The following MIB1 variants were observed in gnomAD, a reference collection of about 807,000 sequenced individuals.
MIB1 encodes MIB E3 ubiquitin protein ligase 1, also known as E3 ubiquitin-protein ligase MIB1.
Under a neutral mutation model 124.5 loss-of-function variants are expected in MIB1, and 278 were observed. That is an observed-to-expected ratio of 2.23 (90% CI 2.02 to 2.47). The LOEUF is 2.47. MIB1 is among the 30% of genes most tolerant of loss of function. The pLI, the probability that MIB1 is intolerant of heterozygous loss-of-function variation, is 0.00. For missense variants in MIB1, 957 were observed against 1,254.4 expected, an observed-to-expected ratio of 0.76 and a Z score of 3.58; for synonymous variants, 446 against 429.4, an observed-to-expected ratio of 1.04 and a Z score of -0.48.
chr18:21,817,696 GC>G, intron 11 of MIB1: 1 of 446,986 alleles, frequency 2.2e-6, no homozygotes, highest in Non-Finnish European at 4.5e-6. Context: ...ATAGGGCTCT[GC>G]CCCATGATGT....
intron 1 of MIB1, among the ~76,000 whole-genome samples, chr18:21,758,481 T>C (rs1373668978): frequency 5.9e-5 from 9 of 152,196 alleles, no homozygotes; most frequent in African/African-American, 2.2e-4. Flanking sequence ...GTTTGTTGAA[T>C]GACATCAACA....
chr18:21,838,230 T>C (rs996428939), intron 12 of MIB1, 135 bp from the exon 13 acceptor site: 4 of 587,754 alleles, frequency 6.8e-6, no homozygotes, highest in Non-Finnish European at 1.1e-5. Context: ...CATTTGAGAT[T>C]AGAAAAGTAG....
intron 1 of MIB1, among the ~76,000 whole-genome samples, chr18:21,722,888 C>T (rs548744604): frequency 2.0e-5 from 3 of 152,306 alleles, no homozygotes; most frequent in African/African-American, 7.2e-5. Context: ...ACCTTCCTCT[C>T]TTGGCTAAAG....
At chr18:21,802,104 T>C (rs2041656887) in intron 9 of MIB1, among the ~76,000 whole-genome samples, 1 of 152,192 alleles carries the variant, frequency 6.6e-6, no homozygotes, top group South Asian at 2.1e-4. Context: ...CATTTTCCTG[T>C]AGAATAATTT....
At chr18:21,817,701 A>G (rs1598625434) in intron 11 of MIB1, 8 of 446,966 alleles carry the variant, frequency 1.8e-5, no homozygotes, top group Middle Eastern at 5.7e-4. Flanking sequence ...GCTCTGCCCC[A>G]TGATGTACAG....
At chr18:21,805,034 G>T (rs1044840919) in intron 10 of MIB1, among the ~76,000 whole-genome samples, 2 of 151,708 alleles carry the variant, frequency 1.3e-5, no homozygotes, top group African/African-American at 4.8e-5. Flanking sequence ...AATTTTTGAG[G>T]CAGAGTCTCA....
At position 21,870,194 on chromosome 18, in the gene MIB1, G is replaced by A. The variant is rs1436795138; in HGVS notation, c.*5528G>A. 2.0e-5 allele frequency: 3 copies of A among 152,286 alleles called. No individual in the cohort carries two copies. Among genetic ancestry groups the A allele is most frequent in the South Asian group, 4.2e-4 (2 of 4,816 alleles). 9.4% of individuals were successfully genotyped at this position (152,286 alleles called of 1,614,324 possible). A position where few individuals can be genotyped will look rare whatever the true frequency, so the allele number is the denominator to read the frequency against. Reference sequence around the variant, plus strand: ...CATATAATGCTTTTCTTTGATCTTTGGAGAATTATTCTTTTATAGTAGTAT... The same window carrying A: ...CATATAATGCTTTTCTTTGATCTTTAGAGAATTATTCTTTTATAGTAGTAT... On this transcript the variant is annotated 3_prime_UTR_variant, in exon 21 of 21. Transcript: ENST00000261537.
chr18:21,844,161 C>G lies in MIB1; in HGVS notation c.2119C>G (p.Leu707Val). 1 of 1,614,092 alleles carries G rather than the reference C, an allele frequency of 6.2e-7. No individual in the cohort carries two copies. The highest frequency in any genetic ancestry group is 1.7e-5 in the Admixed American group (1 of 60,008). ...TGGGGATACTCCTTTGCATGAAGCTCTAAGGCATCACACTTTGTCTCAGCT... is the reference window on the plus strand; with the variant it reads ...TGGGGATACTCCTTTGCATGAAGCTGTAAGGCATCACACTTTGTCTCAGCT... ...KDGDTPLHEA[L>V]RHHTLSQLRQ... Residue 707 changes from leucine to valine, a missense_variant, in exon 15 of 21, where the codon CTA (leucine) becomes GTA (valine). Physicochemically the swap from Leu to Val is conservative, Grantham distance 32 (BLOSUM62 1). Transcript: ENST00000261537.
intron 18 of MIB1, among the ~76,000 whole-genome samples, chr18:21,855,274 T>C (rs938607657): frequency 2.6e-5 from 4 of 152,224 alleles, no homozygotes; most frequent in Non-Finnish European, 5.9e-5. Flanking sequence ...GTTCGTCCAG[T>C]ACCCCCATCG....
intron 1 of MIB1, among the ~76,000 whole-genome samples, chr18:21,752,058 G>C (rs370085665): frequency 2.0e-5 from 3 of 152,190 alleles, no homozygotes; most frequent in Admixed American, 2.0e-4. Context: ...AAACATATTA[G>C]TCCCATGAAA....
chr18:21,715,946 A>T (rs1012810695), intron 1 of MIB1, among the ~76,000 whole-genome samples: 1 of 152,226 alleles, frequency 6.6e-6, no homozygotes, highest in Non-Finnish European at 1.5e-5. Context: ...TATTTGGGGG[A>T]ATAATCAAGG....
intron 11 of MIB1, among the ~76,000 whole-genome samples, chr18:21,816,803 G>A (rs1471599717): frequency 6.6e-6 from 1 of 152,110 alleles, no homozygotes; most frequent in East Asian, 1.9e-4. Flanking sequence ...AGAAATTAAG[G>A]TTTTTGAAGT....
At chr18:21,723,501 G>A (rs1307368728) in intron 1 of MIB1, among the ~76,000 whole-genome samples, 2 of 152,070 alleles carry the variant, frequency 1.3e-5, no homozygotes, top group Admixed American at 6.6e-5. Context: ...ATTAAACCAT[G>A]TGTATATACA....
chr18:21,828,249 AT>A (rs1273245424), intron 12 of MIB1: 1 of 151,890 alleles, frequency 6.6e-6, no homozygotes, highest in African/African-American at 2.4e-5. Context: ...AGATAAATTA[AT>A]TTCTTTTAAA....
intron 9 of MIB1, among the ~76,000 whole-genome samples, chr18:21,802,785 C>T (rs1262531772): frequency 6.6e-6 from 1 of 152,190 alleles, no homozygotes; most frequent in African/African-American, 2.4e-5. Context: ...GCTCTCCTCA[C>T]TTGGACTTGT....
At chr18:21,724,939 C>T (rs1467143323) in intron 1 of MIB1, among the ~76,000 whole-genome samples, 3 of 144,802 alleles carry the variant, frequency 2.1e-5, no homozygotes, top group African/African-American at 7.6e-5. Flanking sequence ...AAAAAAAATA[C>T]AAAAAATTAG....
intron 9 of MIB1, among the ~76,000 whole-genome samples, chr18:21,802,280 C>T (rs1332090152): frequency 2.0e-5 from 3 of 152,006 alleles, no homozygotes; most frequent in Admixed American, 2.0e-4. Context: ...AGGTGTTTGA[C>T]TTTTTAAAAC....
intron 5 of MIB1, 94 bp downstream of exon 5, chr18:21,778,263 C>A: frequency 2.3e-6 from 2 of 878,998 alleles, no homozygotes; most frequent in Non-Finnish European, 3.5e-6. Context: ...AAGTTAATTA[C>A]CACTAAAGTT....
intron 16 of MIB1, among the ~76,000 whole-genome samples, chr18:21,848,812 A>C (rs2042156900): frequency 6.6e-6 from 1 of 152,208 alleles, no homozygotes; most frequent in African/African-American, 2.4e-5. Flanking sequence ...GGCAACTAAC[A>C]TGGGGGCTAG....
Sources: allele counts gnomAD v4.1 joint callset (sites outside exome capture counted in the v4.1 genomes callset), GRCh38; gene constraint gnomAD v4.1.1; transcripts MANE v1.5; gene names NCBI Gene and HGNC (gene_info 2026-07-23, HGNC 2026-07-21).